The following SIMC1 variants were observed in gnomAD, a reference collection of about 807,000 sequenced individuals.
SIMC1 encodes SUMO-interacting motif-containing protein 1.
SIMC1 carries 55 observed loss-of-function variants against 82.3 expected under a neutral mutation model. The ratio of observed to expected loss-of-function variants is 0.67; its 90% CI spans 0.54 to 0.84. The LOEUF (loss-of-function observed/expected upper bound fraction) is 0.84. Among genes scored for constraint, SIMC1 ranks in the 40% least tolerant of loss-of-function variants. The pLI is 0.00. For missense variants in SIMC1, 915 were observed against 1,107.2 expected, an observed-to-expected ratio of 0.83 and a Z score of 2.46; for synonymous variants, 353 against 426.3, an observed-to-expected ratio of 0.83 and a Z score of 2.12.
Position 176,275,912 on chromosome 5 carries a change from A to G in SIMC1, c.130-13742A>G, listed in dbSNP as rs565774981. 7.2e-5 allele frequency among the ~76,000 whole-genome samples: 11 copies of G among 151,728 alleles called. 1 individual carries two copies. The East Asian group carries it at 7.7e-4, about 11-fold the overall frequency. The stretch of plus-strand genomic sequence containing the variant: ...AGGATTTTTGCATCAATGTTCATCA[A>G]GGATATTGGTCTAAAATTCTCTTTT... On this transcript the variant is annotated intron_variant, in intron 1 of 9. Transcript: ENST00000429602.
intron 1 of SIMC1, among the ~76,000 whole-genome samples, chr5:176,243,338 C>T (rs1761331537): frequency 6.6e-6 from 1 of 152,184 alleles, no homozygotes; most frequent in African/African-American, 2.4e-5. Context: ...GCATGACTTA[C>T]TGGAAGAATG....
chr5:176,270,947 C>T (rs1179645478), intron 1 of SIMC1, among the ~76,000 whole-genome samples: 5 of 152,176 alleles, frequency 3.3e-5, no homozygotes, highest in African/African-American at 1.2e-4. Flanking sequence ...GTGTTGGGCT[C>T]AGAGCCAGTG....
rs1289035161 is a variant in SIMC1, at chr5:176,308,742, G to A, written c.1735-4949G>A. ...TGTACCTCATGTCACTATCGGGAAAGCGTGCCTTGAATCAGCAGTAGAGCT... is the reference window on the plus strand; with the variant it reads ...TGTACCTCATGTCACTATCGGGAAAACGTGCCTTGAATCAGCAGTAGAGCT... On this transcript the variant is annotated intron_variant, in intron 4 of 9. Coordinates refer to ENST00000429602, the MANE Select transcript of SIMC1 (RefSeq NM_001308195.2). 6.3e-6 allele frequency: 9 copies of A among 1,423,330 alleles called. No individual in the cohort carries two copies. In the African/African-American group the frequency reaches 8.4e-5, roughly 13 times the overall value. The allele number at this position is 1,423,330 out of a possible 1,614,324, so 88.2% of individuals were successfully genotyped here.
chr5:176,314,615 TC>T (rs1046124623), intron 5 of SIMC1, among the ~76,000 whole-genome samples: 4 of 152,186 alleles, frequency 2.6e-5, no homozygotes, highest in African/African-American at 9.7e-5. Context: ...AAGCATGTGT[TC>T]TTTTTTGCAG....
intron 1 of SIMC1, among the ~76,000 whole-genome samples, chr5:176,244,718 C>CT (rs1761378821): frequency 2.1e-5 from 3 of 140,410 alleles, no homozygotes; most frequent in South Asian, 2.3e-4. Flanking sequence ...TTTTTTTTTT[C>CT]CTTTTTTTTT....
intron 4 of SIMC1, among the ~76,000 whole-genome samples, chr5:176,303,241 G>C (rs1311728589): frequency 2.1e-5 from 3 of 144,128 alleles, no homozygotes; most frequent in Middle Eastern, 3.5e-3. Flanking sequence ...GCATTCCAGT[G>C]TGGGTGACAG....
intron 1 of SIMC1, among the ~76,000 whole-genome samples, chr5:176,276,512 A>G (rs1208964843): frequency 4.0e-5 from 6 of 150,012 alleles, no homozygotes; most frequent in Non-Finnish European, 7.4e-5. Flanking sequence ...TTAGTTACAT[A>G]TGTATACATG....
intron 1 of SIMC1, among the ~76,000 whole-genome samples, chr5:176,269,652 T>C (rs1471327079): frequency 6.6e-6 from 1 of 152,224 alleles, no homozygotes; most frequent in Non-Finnish European, 1.5e-5. Context: ...GGACTGTTTC[T>C]CAAGTTATTT....
intron 7 of SIMC1, among the ~76,000 whole-genome samples, chr5:176,330,082 T>C (rs1765573855): frequency 6.6e-6 from 1 of 152,062 alleles, no homozygotes; most frequent in Non-Finnish European, 1.5e-5. Context: ...ACCCAGATCT[T>C]TGTTTTTAAA....
chr5:176,297,059 A>G lies in SIMC1; in HGVS notation c.1734+739A>G, dbSNP rs140000689. On this transcript the variant is annotated intron_variant, in intron 4 of 9. Transcript: ENST00000429602. ...TCTTGGATTTAGAAACACAATATCT[A>G]ATAGAGGGCAGGAGTCAGATGTGGG... Among the ~76,000 whole-genome samples, 377 of 152,296 alleles carry G rather than the reference A, an allele frequency of 2.5e-3. 2 individuals carry two copies. Among genetic ancestry groups the G allele is most frequent in the African/African-American group, 8.6e-3 (356 of 41,564 alleles).
chr5:176,284,273 A>T (rs1490134039), intron 1 of SIMC1, among the ~76,000 whole-genome samples: 1 of 152,238 alleles, frequency 6.6e-6, no homozygotes, highest in Non-Finnish European at 1.5e-5. Context: ...ACATAGTTGG[A>T]AGTAAAGCAC....
intron 1 of SIMC1, among the ~76,000 whole-genome samples, chr5:176,275,603 G>C (rs1433987317): frequency 6.6e-6 from 1 of 151,742 alleles, no homozygotes; most frequent in Non-Finnish European, 1.5e-5. Flanking sequence ...GATATTGGCT[G>C]TGGGTTTGTC....
chr5:176,328,413 T>C (rs920054462), intron 7 of SIMC1, among the ~76,000 whole-genome samples: 2 of 151,982 alleles, frequency 1.3e-5, no homozygotes, highest in South Asian at 4.2e-4. Flanking sequence ...GAAAAGGTAC[T>C]GGGCTCGGTG....
chr5:176,269,548 C>T (rs1293967442), intron 1 of SIMC1, among the ~76,000 whole-genome samples: 1 of 152,152 alleles, frequency 6.6e-6, no homozygotes, highest in African/African-American at 2.4e-5. Flanking sequence ...TCCTGCAAAG[C>T]AAATTTCAGG....
chr5:176,326,011 AC>A (rs1276878988), intron 7 of SIMC1, among the ~76,000 whole-genome samples: 1 of 152,232 alleles, frequency 6.6e-6, no homozygotes, highest in African/African-American at 2.4e-5. Context: ...TCCTTCCTTG[AC>A]CCAGTAATTT....
chr5:176,269,244 CAG>C lies in SIMC1; in HGVS notation c.130-20408_130-20407del, dbSNP rs1157611740. 9.2e-5 allele frequency among the ~76,000 whole-genome samples: 14 copies of C among 151,894 alleles called. 1 individual carries two copies. Among genetic ancestry groups the C allele is most frequent in the South Asian group, 4.2e-4 (2 of 4,812 alleles). On this transcript the variant is annotated intron_variant, in intron 1 of 9. Coordinates refer to ENST00000429602, the MANE Select transcript of SIMC1 (RefSeq NM_001308195.2). ...TAACAGAAATAGATGAAATAGGAAA[CAG>C]ATTAAAAAATCAATAAAGTTGATAA...
intron 7 of SIMC1, among the ~76,000 whole-genome samples, chr5:176,336,133 AAGAAAG>A: frequency 6.6e-6 from 1 of 150,400 alleles, no homozygotes; most frequent in South Asian, 2.1e-4. Flanking sequence ...AAGCAAGAGA[AAGAAAG>A]AGAGAAATAC....
intron 1 of SIMC1, among the ~76,000 whole-genome samples, chr5:176,256,473 A>G (rs566916414): frequency 1.3e-4 from 20 of 152,158 alleles, no homozygotes; most frequent in Non-Finnish European, 2.5e-4. Context: ...TTAGACCTTT[A>G]GTTTTGTCCT....
intron 1 of SIMC1, among the ~76,000 whole-genome samples, chr5:176,274,528 T>C (rs1240837050): frequency 2.0e-5 from 3 of 151,908 alleles, no homozygotes; most frequent in African/African-American, 7.2e-5. Flanking sequence ...CATTTGTCAA[T>C]TTTGGCTTTT....
Sources: allele counts gnomAD v4.1 joint callset (sites outside exome capture counted in the v4.1 genomes callset), GRCh38; gene constraint gnomAD v4.1.1; transcripts MANE v1.5; gene names NCBI Gene and HGNC (gene_info 2026-07-23, HGNC 2026-07-21).